RASA1: variants seen among roughly 807,000 people sequenced by gnomAD.
RASA1 encodes the protein RAS p21 protein activator 1.
Under a neutral mutation model 132.2 loss-of-function variants are expected in RASA1, and 25 were observed. The ratio of observed to expected loss-of-function variants is 0.19; its 90% CI spans 0.14 to 0.26. RASA1 has a LOEUF of 0.26. Among genes scored for constraint, RASA1 ranks in the 10% least tolerant of loss-of-function variants. RASA1 has a pLI of 1.00. For missense variants in RASA1, 964 were observed against 1,299.2 expected (o/e 0.74, Z 3.97); for synonymous variants, 477 against 449.9 (o/e 1.06, Z -0.76).
At chr5:87,327,284 T>A (rs1757300413) in intron 1 of RASA1, among the ~76,000 whole-genome samples, 1 of 152,194 alleles carries the variant, frequency 6.6e-6, no homozygotes, top group Non-Finnish European at 1.5e-5. Flanking sequence ...GAGCTGGGAT[T>A]CAAAGACAGT....
rs145354256 is a variant in RASA1 at position 87,333,323 on chromosome 5, C to A, written c.885C>A (p.Asp295Glu). ...TTCTACCTTACACAAAAGTACCAGA[C>A]ACTGATGAAATAAGGTATTTTATAA... The part of the protein sequence containing the change: ...RAILPYTKVP[D>E]TDEISFLKGD... The change falls in exon 4 of 25, where the codon GAC (aspartate) becomes GAA (glutamate). Residue 295 changes from aspartate (D) to glutamate (E), a missense_variant. Physicochemically the swap from Asp to Glu is conservative, Grantham distance 45 (BLOSUM62 2). This residue lies in a region of RASA1 where 154 missense variants were observed against 286.5 expected (regional missense o/e 0.54). Coordinates refer to ENST00000274376, the MANE Select transcript of RASA1 (RefSeq NM_002890.3). The A allele has an allele frequency of 8.6e-5, 138 of 1,612,692 alleles. No individual in the cohort carries two copies. The highest frequency in any genetic ancestry group is 1.1e-4 in the Non-Finnish European group (129 of 1,179,400).
intron 23 of RASA1, 38 bp from the exon 24 acceptor site, chr5:87,389,355 T>C (rs1355698285): frequency 1.2e-6 from 2 of 1,612,470 alleles, no homozygotes; most frequent in Non-Finnish European, 1.7e-6. Flanking sequence ...AAAAAGAAGA[T>C]TTGTATTTCT....
intron 1 of RASA1, among the ~76,000 whole-genome samples, chr5:87,287,032 A>G (rs1754614661): frequency 6.8e-6 from 1 of 147,308 alleles, no homozygotes; most frequent in Non-Finnish European, 1.5e-5. Context: ...TATATACCAT[A>G]TATATACACA....
Position 87,332,364 on chromosome 5 carries a change from CTAA to C in RASA1, c.693-139_693-137del, listed in dbSNP as rs1178815670. 6.3e-6 allele frequency: 5 copies of C among 799,654 alleles called. No homozygotes were observed. The African/African-American group carries it at 8.7e-5, about 14-fold the overall frequency. The allele number at this position is 799,654 out of a possible 1,614,324, so 49.5% of individuals were successfully genotyped here. A position where few individuals can be genotyped will look rare whatever the true frequency, so the allele number is the denominator to read the frequency against. On this transcript the variant is annotated intron_variant, in intron 2 of 24. Coordinates refer to ENST00000274376, the MANE Select transcript of RASA1 (RefSeq NM_002890.3). ...CAAGTAATTTACTGTGATGAAGATACTAATAAGTGGTATTTTAGTATAAGGATA... is the reference window on the plus strand; with the variant it reads ...CAAGTAATTTACTGTGATGAAGATACTAAGTGGTATTTTAGTATAAGGATA...
chr5:87,323,071 T>C (rs1756944834), intron 1 of RASA1, among the ~76,000 whole-genome samples: 1 of 152,178 alleles, frequency 6.6e-6, no homozygotes. Flanking sequence ...TGGGGATTGC[T>C]CTCATAGAGG....
At chr5:87,311,512 C>T (rs1247804491) in intron 1 of RASA1, among the ~76,000 whole-genome samples, 4 of 152,152 alleles carry the variant, frequency 2.6e-5, no homozygotes, top group Non-Finnish European at 5.9e-5. Flanking sequence ...CAAAAGGCTA[C>T]AGTTTAAAAT....
intron 9 of RASA1, 47 bp downstream of exon 9, chr5:87,353,282 A>C (rs1288436417): frequency 6.9e-7 from 1 of 1,458,532 alleles, no homozygotes; most frequent in Admixed American, 1.7e-5. Context: ...TTATTTTAAA[A>C]TGCATTTTGG....
chr5:87,286,635 C>T (rs1754577861), intron 1 of RASA1, among the ~76,000 whole-genome samples: 3 of 151,940 alleles, frequency 2.0e-5, no homozygotes, highest in Non-Finnish European at 2.9e-5. Context: ...AAACTCCCAG[C>T]AGTTTGAAAA....
At chr5:87,303,467 A>C (rs1473392163) in intron 1 of RASA1, among the ~76,000 whole-genome samples, 1 of 151,934 alleles carries the variant, frequency 6.6e-6, no homozygotes, top group South Asian at 2.1e-4. Context: ...AAGGTTACAG[A>C]TTTCCCTTCA....
At chr5:87,330,944 T>C in intron 1 of RASA1, 1 of 1,429,246 alleles carries the variant, frequency 7.0e-7, no homozygotes, top group South Asian at 1.5e-5. Flanking sequence ...ATAGGTTCCA[T>C]GTGCCTTGTG....
chr5:87,358,629 G>A (rs1466738518), intron 9 of RASA1, among the ~76,000 whole-genome samples: 4 of 152,120 alleles, frequency 2.6e-5, no homozygotes, highest in South Asian at 2.1e-4. Flanking sequence ...ATGTCAGATC[G>A]TGTTACTCCT....
chr5:87,284,416 C>G (rs1754453999), intron 1 of RASA1, among the ~76,000 whole-genome samples: 1 of 152,078 alleles, frequency 6.6e-6, no homozygotes, highest in African/African-American at 2.4e-5. Flanking sequence ...GGGTGGCTGC[C>G]AAAGCATGGA....
Position 87,314,637 on chromosome 5 carries a change from T to C in RASA1, c.540-16711T>C, listed in dbSNP as rs73156358. Among the ~76,000 whole-genome samples, 258 of 152,246 alleles carry C rather than the reference T, an allele frequency of 1.7e-3. 1 individual carries two copies. The Middle Eastern group carries it at 0.017, about 10-fold the overall frequency. ...AACCAGCAATAGATGGTTCAGCTCA[T>C]AGCTTGGGTATCTGGATTGATGTTA... is the stretch of plus-strand genomic sequence containing the variant. On this transcript the variant is annotated intron_variant, in intron 1 of 24. Transcript: ENST00000274376.
At position 87,374,270 on chromosome 5, in the gene RASA1, T is replaced by C; in HGVS notation, c.1884T>C (p.Thr628=). 6.2e-7 allele frequency: 1 copy of C among 1,605,064 alleles called. No individual in the cohort carries two copies. Among genetic ancestry groups the C allele is most frequent in the Non-Finnish European group, 8.5e-7 (1 of 1,174,810 alleles). ...IYLNSVQVAK[T]HAREGQNPVW... ...TGAATAGTGTCCAAGTAGCAAAAAC[T>C]CATGCAAGGGAAGGGCAAAACCCAG... is the stretch of plus-strand genomic sequence containing the variant. The change falls in exon 14 of 25, where the codon ACT becomes ACC. Residue 628 remains threonine (T), a synonymous_variant. Transcript: ENST00000274376.
intron 9 of RASA1, among the ~76,000 whole-genome samples, chr5:87,361,376 C>G (rs1760078651): frequency 6.6e-6 from 1 of 151,996 alleles, no homozygotes; most frequent in Admixed American, 6.6e-5. Flanking sequence ...TGAAATAGTT[C>G]CTAGGATGAT....
chr5:87,373,271 C>T (rs1761079948), intron 13 of RASA1, among the ~76,000 whole-genome samples: 1 of 151,852 alleles, frequency 6.6e-6, no homozygotes, highest in Non-Finnish European at 1.5e-5. Flanking sequence ...TAAAAAGATA[C>T]AGTATAACAA....
chr5:87,342,995 T>C (rs1269754869), intron 6 of RASA1, among the ~76,000 whole-genome samples: 1 of 152,206 alleles, frequency 6.6e-6, no homozygotes, highest in Non-Finnish European at 1.5e-5. Flanking sequence ...TCTTCCATTT[T>C]TCTTAACTTT....
At chr5:87,351,142 G>T (rs1759237698) in intron 8 of RASA1, among the ~76,000 whole-genome samples, 1 of 151,064 alleles carries the variant, frequency 6.6e-6, no homozygotes, top group Non-Finnish European at 1.5e-5. Context: ...TTTAGAAACT[G>T]TTAAGACATA....
intron 1 of RASA1, among the ~76,000 whole-genome samples, chr5:87,328,379 T>A (rs1388784471): frequency 6.6e-6 from 1 of 152,184 alleles, no homozygotes; most frequent in Non-Finnish European, 1.5e-5. Flanking sequence ...TAAAGAGATA[T>A]AATAAGGCTT....
Sources: gnomAD v4.1 joint callset for allele counts (sites outside exome capture counted in the v4.1 genomes callset) on GRCh38, gnomAD v4.1.1 for gene constraint, gnomAD v4.1.1 regional missense constraint, MANE v1.5 for transcripts, NCBI Gene and HGNC (gene_info 2026-07-23, HGNC 2026-07-21) for gene names.